Variants in NIPAL2 observed in about 807,000 individuals in gnomAD.
The protein encoded by NIPAL2 is NIPA like domain containing 2, also known as NIPA-like protein 2.
NIPAL2 carries 43 observed loss-of-function variants against 48.9 expected under a neutral mutation model. The observed-to-expected ratio is 0.88, with a 90% CI of 0.69 to 1.13. NIPAL2 has a LOEUF of 1.13. Ranked by LOEUF, NIPAL2 falls within the 50% of genes most tolerant of loss-of-function variation. The probability of loss-of-function intolerance (pLI) is 0.00; values close to 1 mark genes in which losing one functional copy is unlikely to be tolerated. For missense variants in NIPAL2, 446 were observed against 461.4 expected, an observed-to-expected ratio of 0.97 and a Z score of 0.31; for synonymous variants, 167 against 174.6, an observed-to-expected ratio of 0.96 and a Z score of 0.34.
intron 9 of NIPAL2, among the ~76,000 whole-genome samples, chr8:98,195,511 T>A (rs1291347132): frequency 6.6e-6 from 1 of 152,218 alleles, no homozygotes; most frequent in African/African-American, 2.4e-5. Flanking sequence ...AAGAAAGGGA[T>A]GCTACCAACC....
rs559947416 is a variant in NIPAL2, at chr8:98,247,716, G to A, written c.376+4747C>T. ...CCACACAGATGAGAGGAGGGCCTGC[G>A]TAGGGTGTGAAGAGAGCAGAGAGTA... is the stretch of plus-strand genomic sequence containing the variant. On this transcript the variant is annotated intron_variant, in intron 3 of 10. Transcript: ENST00000430223. 8.1e-4 allele frequency among the ~76,000 whole-genome samples: 124 copies of A among 152,300 alleles called. 2 individuals are homozygous for A. The highest frequency in any genetic ancestry group is 6.0e-3 in the South Asian group (29 of 4,818).
Position 98,268,672 on chromosome 8 carries a change from G to C in NIPAL2, c.136-14585C>G, listed in dbSNP as rs867803094. Among the ~76,000 whole-genome samples the C allele has an allele frequency of 1.0e-4, 15 of 150,748 alleles. No individual in the cohort carries two copies. In the Middle Eastern group the frequency reaches 0.017, roughly 172 times the overall value. Reference sequence around the variant, plus strand: ...GAAAAAAACCCCACAAAATAAAGTAGGAATGAGCAAAATTATACAGGCTTA... The same window carrying C: ...GAAAAAAACCCCACAAAATAAAGTACGAATGAGCAAAATTATACAGGCTTA... On this transcript the variant is annotated intron_variant, in intron 1 of 10. Transcript: ENST00000430223.
chr8:98,228,988 C>G (rs969480603), intron 4 of NIPAL2, among the ~76,000 whole-genome samples: 5 of 152,172 alleles, frequency 3.3e-5, no homozygotes, highest in Non-Finnish European at 1.5e-5. Context: ...CAGCTAGCCT[C>G]AGGAAACTAG....
intron 4 of NIPAL2, among the ~76,000 whole-genome samples, chr8:98,227,667 A>C (rs1812240309): frequency 6.6e-6 from 1 of 152,082 alleles, no homozygotes; most frequent in Non-Finnish European, 1.5e-5. Flanking sequence ...TCCTCTCCTC[A>C]AGTGGAAGAA....
At chr8:98,264,066 G>A (rs1376999377) in intron 1 of NIPAL2, among the ~76,000 whole-genome samples, 1 of 151,780 alleles carries the variant, frequency 6.6e-6, no homozygotes, top group African/African-American at 2.4e-5. Context: ...AAAAGCCTTT[G>A]ACAAAATTCA....
At chr8:98,235,171 T>A (rs1812642613) in intron 4 of NIPAL2, among the ~76,000 whole-genome samples, 1 of 152,038 alleles carries the variant, frequency 6.6e-6, no homozygotes. Context: ...AAAAATATGA[T>A]CTCCCTGGAA....
At position 98,222,615 on chromosome 8, in the gene NIPAL2, GA is replaced by G; in HGVS notation, c.437-16del. On this transcript the variant is annotated splice_polypyrimidine_tract_variant and intron_variant, in intron 4 of 10. Coordinates refer to ENST00000430223, the MANE Select transcript of NIPAL2 (RefSeq NM_001321635.2). ...CAGTGTCGTACCTTTAAATAAAATT[GA>G]AAAGAAAAACCAAATTGAAACCAAC... is the stretch of plus-strand genomic sequence containing the variant. 1 of 1,610,844 alleles carries G rather than the reference GA, an allele frequency of 6.2e-7. No homozygotes were observed. Among genetic ancestry groups the G allele is most frequent in the Admixed American group, 1.7e-5 (1 of 59,214 alleles).
intron 8 of NIPAL2, among the ~76,000 whole-genome samples, chr8:98,199,418 C>A (rs1263522133): frequency 6.6e-6 from 1 of 152,068 alleles, no homozygotes; most frequent in Non-Finnish European, 1.5e-5. Flanking sequence ...TTCATCTGAA[C>A]AGTTACAGGC....
At position 98,196,073 on chromosome 8, in the gene NIPAL2, T is replaced by C. The variant is rs1187220293; in HGVS notation, c.881-68A>G. The C allele has an allele frequency of 1.6e-5, 15 of 939,814 alleles. No homozygotes were observed. The East Asian group carries it at 3.9e-4, about 25-fold the overall frequency. 58.2% of individuals were successfully genotyped at this position (939,814 alleles called of 1,614,324 possible). A position where few individuals can be genotyped will look rare whatever the true frequency, so the allele number is the denominator to read the frequency against. ...GTTATTTATAATAGCTAAATATTGT[T>C]TGTAAAATTATGTTAATATGTTATT... On this transcript the variant is annotated intron_variant, in intron 8 of 10. Transcript: ENST00000430223.
chr8:98,289,277 G>A (rs1816366440), intron 1 of NIPAL2, among the ~76,000 whole-genome samples: 1 of 152,048 alleles, frequency 6.6e-6, no homozygotes, highest in African/African-American at 2.4e-5. Context: ...CCCATAGCCT[G>A]GATTCAGCTG....
chr8:98,279,093 T>C (rs1189793492), intron 1 of NIPAL2, among the ~76,000 whole-genome samples: 1 of 152,224 alleles, frequency 6.6e-6, no homozygotes, highest in East Asian at 1.9e-4. Flanking sequence ...TTTTGTCTAA[T>C]TATTCAAGGT....
chr8:98,194,963 C>G (rs1209656828), intron 9 of NIPAL2, 141 bp from the exon 10 acceptor site: 1 of 471,024 alleles, frequency 2.1e-6, no homozygotes, highest in South Asian at 6.1e-5. Context: ...CTTCCTAGTA[C>G]TTGTCTTAAT....
At chr8:98,198,246 C>T (rs1018483962) in intron 8 of NIPAL2, among the ~76,000 whole-genome samples, 3 of 152,146 alleles carry the variant, frequency 2.0e-5, no homozygotes, top group African/African-American at 2.4e-5. Context: ...TTTTCCTGGT[C>T]AGTAGGTCTC....
intron 5 of NIPAL2, 140 bp from the exon 6 acceptor site, chr8:98,212,641 A>G: frequency 1.8e-6 from 1 of 556,588 alleles, no homozygotes; most frequent in Non-Finnish European, 3.2e-6. Context: ...ACAGGAGAGC[A>G]GTATAAGCAC....
intron 3 of NIPAL2, among the ~76,000 whole-genome samples, chr8:98,247,566 A>G (rs1429616290): frequency 2.6e-5 from 4 of 152,214 alleles, no homozygotes; most frequent in African/African-American, 9.7e-5. Context: ...TCTCAGCACA[A>G]TTCTCTGACA....
intron 6 of NIPAL2, among the ~76,000 whole-genome samples, chr8:98,209,895 G>A (rs1017812509): frequency 1.3e-5 from 2 of 151,876 alleles, no homozygotes; most frequent in African/African-American, 2.4e-5. Context: ...AACTCTCTAG[G>A]CCTGGTTCTT....
intron 1 of NIPAL2, among the ~76,000 whole-genome samples, chr8:98,286,512 A>C (rs1816170615): frequency 6.6e-6 from 1 of 152,172 alleles, no homozygotes. Context: ...CAAAGATGGC[A>C]AGATACCTTG....
At chr8:98,224,313 A>C (rs561202084) in intron 4 of NIPAL2, among the ~76,000 whole-genome samples, 3 of 152,250 alleles carry the variant, frequency 2.0e-5, no homozygotes, top group Admixed American at 6.5e-5. Context: ...TGTTTTATGC[A>C]TGTGTGTATA....
chr8:98,196,520 G>A (rs1810559266), intron 8 of NIPAL2, among the ~76,000 whole-genome samples: 1 of 152,234 alleles, frequency 6.6e-6, no homozygotes, highest in Non-Finnish European at 1.5e-5. Flanking sequence ...CACTCTAGCA[G>A]CTGAAGTGCT....
Sources: allele counts gnomAD v4.1 joint callset (sites outside exome capture counted in the v4.1 genomes callset), GRCh38; gene constraint gnomAD v4.1.1; transcripts MANE v1.5; gene names NCBI Gene and HGNC (gene_info 2026-07-23, HGNC 2026-07-21).